The following TULP2 variants were observed in gnomAD, a reference collection of about 807,000 sequenced individuals.
The protein encoded by TULP2 is tubby-related protein 2.
TULP2 carries 64 observed loss-of-function variants against 60.3 expected under a neutral mutation model. That is an observed-to-expected ratio of 1.06 (90% CI 0.87 to 1.31). The LOEUF is 1.31. Ranked by LOEUF, TULP2 falls within the 50% of genes most tolerant of loss-of-function variation. TULP2 has a pLI of 0.00. For synonymous variants in TULP2, 267 were observed against 265.4 expected (o/e 1.01, Z -0.06); for missense variants, 652 against 667.0 (o/e 0.98, Z 0.25).
At chr19:48,885,623 C>A (rs1362296683) in intron 8 of TULP2, 63 bp from the exon 9 acceptor site, 7 of 1,466,586 alleles carry the variant, frequency 4.8e-6, no homozygotes, top group Non-Finnish European at 6.6e-6. Context: ...GTGGCTCATG[C>A]CTGTAATCCC....
intron 11 of TULP2, among the ~76,000 whole-genome samples, chr19:48,882,669 T>C (rs909402774): frequency 5.3e-4 from 81 of 152,154 alleles, no homozygotes; most frequent in African/African-American, 1.9e-3. Flanking sequence ...CTTAGAACTT[T>C]TTAAAAGAGG....
intron 9 of TULP2, 77 bp downstream of exon 9, chr19:48,885,371 C>T (rs2037169894): frequency 1.7e-6 from 2 of 1,206,806 alleles, no homozygotes; most frequent in Non-Finnish European, 2.4e-6. Flanking sequence ...TGCTCTGTGG[C>T]CTGCTGGGAA....
chr19:48,897,949 T>TTATC lies in TULP2; in HGVS notation c.-1-81_-1-80insGATA, dbSNP rs2037297473. On this transcript the variant is annotated intron_variant, in intron 1 of 12. Transcript: ENST00000221399. This position sits in a 1 kb window ranked among gnomAD's most constrained non-coding sequence, Gnocchi z 4.0. The stretch of plus-strand genomic sequence containing the variant: ...GCCCACCAGCACCTAATCTTTAGCC[T>TTATC]TATTTATTTATTTATTTATTTATTT... 2.3e-6 allele frequency: 1 copy of TTATC among 431,134 alleles called. No individual in the cohort carries two copies. The highest frequency in any genetic ancestry group is 2.9e-6 in the Non-Finnish European group (1 of 345,108). The allele number at this position is 431,134 out of a possible 1,614,324, so 26.7% of individuals were successfully genotyped here.
intron 7 of TULP2, among the ~76,000 whole-genome samples, chr19:48,888,847 C>T (rs2037207158): frequency 6.6e-6 from 1 of 152,238 alleles, no homozygotes; most frequent in South Asian, 2.1e-4. Flanking sequence ...GTCTGGAACT[C>T]CTGACCTCAG....
intron 11 of TULP2, among the ~76,000 whole-genome samples, chr19:48,882,667 T>A (rs2037145298): frequency 6.6e-6 from 1 of 152,138 alleles, no homozygotes. Flanking sequence ...AACTTAGAAC[T>A]TTTTAAAAGA....
rs914854446 is a variant in TULP2, at chr19:48,897,133, G to A, written c.84+212C>T. 2.6e-5 allele frequency among the ~76,000 whole-genome samples: 4 copies of A among 151,940 alleles called. No individual in the cohort carries two copies. Among genetic ancestry groups the A allele is most frequent in the African/African-American group, 7.3e-5 (3 of 41,366 alleles). ...TTGAACTCCTGACCTCAAGTGATCC[G>A]CCCACCTCAGCATCCCAAAGTGCTG... is the stretch of plus-strand genomic sequence containing the variant. On this transcript the variant is annotated intron_variant, in intron 3 of 12. Transcript: ENST00000221399. This position sits in a 1 kb window ranked among gnomAD's most constrained non-coding sequence, Gnocchi z 4.0.
chr19:48,897,193 A>C lies in TULP2; in HGVS notation c.84+152T>G, dbSNP rs908812757. On this transcript the variant is annotated intron_variant, in intron 3 of 12. Coordinates refer to ENST00000221399, the MANE Select transcript of TULP2 (RefSeq NM_003323.3). The surrounding 1 kb of genome is among the most constrained non-coding windows in gnomAD (Gnocchi z 4.0). The stretch of plus-strand genomic sequence containing the variant: ...CCGTGAGCTGCCCTGCCCGGCCCCA[A>C]ATTCCTATTTTCTCATTTCTCAGTG... 5 of 879,122 alleles carry C rather than the reference A, an allele frequency of 5.7e-6. No individual in the cohort carries two copies. In the African/African-American group the frequency reaches 8.4e-5, roughly 15 times the overall value. The allele number at this position is 879,122 out of a possible 1,614,324, so 54.5% of individuals were successfully genotyped here.
At position 48,888,086 on chromosome 19, in the gene TULP2, TC is replaced by T; in HGVS notation, c.811del (p.Asp271ThrfsTer15). 1 of 1,614,158 alleles carries T rather than the reference TC, an allele frequency of 6.2e-7. No individual in the cohort carries two copies. On this transcript the variant is annotated frameshift_variant, in exon 8 of 13. Coordinates refer to ENST00000221399, the MANE Select transcript of TULP2 (RefSeq NM_003323.3). LOFTEE classifies it high-confidence loss of function. ...IRSPCPGLEE[D>X]MEAYVLRPAL... ...TGGCCGCAGCACGTAGGCTTCCATG[TC>T]CTCCTCCAGCCCAGGGCAGGGGGAG...
At chr19:48,881,615 C>T (rs776311332) in intron 12 of TULP2, among the ~76,000 whole-genome samples, 1 of 152,082 alleles carries the variant, frequency 6.6e-6, no homozygotes, top group South Asian at 2.1e-4. Context: ...AATCTCCTGA[C>T]CTCGTATCCG....
At chr19:48,888,366 A>C in intron 7 of TULP2, 105 bp from the exon 8 acceptor site, 1 of 1,188,444 alleles carries the variant, frequency 8.4e-7, no homozygotes, top group Non-Finnish European at 1.2e-6. Context: ...GCCCATCCAC[A>C]TTTTCTGCTT....
Position 48,885,562 on chromosome 19 carries a change from T to A in TULP2, c.949-2A>T, listed in dbSNP as rs752549339. ...CTTTCGCCCAGCCAGGAGGAAGCGCTATGGATGAGAGGAACAGTCCATTAG... is the reference window on the plus strand; with the variant it reads ...CTTTCGCCCAGCCAGGAGGAAGCGCAATGGATGAGAGGAACAGTCCATTAG... On this transcript the variant is annotated splice_acceptor_variant, in intron 8 of 12. Coordinates refer to ENST00000221399, the MANE Select transcript of TULP2 (RefSeq NM_003323.3). LOFTEE classifies it high-confidence loss of function. The A allele has an allele frequency of 6.2e-7, 1 of 1,613,368 alleles. No individual in the cohort carries two copies. Among genetic ancestry groups the A allele is most frequent in the Non-Finnish European group, 8.5e-7 (1 of 1,179,542 alleles).
chr19:48,881,168 C>T, intron 12 of TULP2, 42 bp from the exon 13 acceptor site: 3 of 1,046,620 alleles, frequency 2.9e-6, no homozygotes, highest in Non-Finnish European at 4.3e-6. Context: ...CTGACTCTCT[C>T]ATCTCCCAGC....
intron 8 of TULP2, among the ~76,000 whole-genome samples, chr19:48,886,282 G>C (rs1011283428): frequency 2.7e-5 from 4 of 149,202 alleles, no homozygotes; most frequent in African/African-American, 9.9e-5. Flanking sequence ...CTGGGCGACA[G>C]AGCAAGACTA....
intron 4 of TULP2, 72 bp downstream of exon 4, chr19:48,896,358 C>A (rs945691559): frequency 6.7e-7 from 1 of 1,500,386 alleles, no homozygotes; most frequent in Non-Finnish European, 8.8e-7. Flanking sequence ...CCCCTTCATC[C>A]ACTAGGCCCC....
chr19:48,883,786 G>C lies in TULP2; in HGVS notation c.1243C>G (p.Gln415Glu). The C allele has an allele frequency of 6.2e-7, 1 of 1,614,084 alleles. No homozygotes were observed. The highest frequency in any genetic ancestry group is 1.1e-5 in the South Asian group (1 of 91,068). Residue 415 changes from glutamine to glutamate, a missense_variant, in exon 11 of 13, where the codon CAG (glutamine) becomes GAG (glutamate). Physicochemically the swap from Gln to Glu is conservative, Grantham distance 29. Transcript: ENST00000221399. ...MTVILPGTNS[Q>E]NQRINVQPLN... ...GGCTGGACATTGATTCGCTGGTTCT[G>C]GCTGTTGGTTCCTGGGAGAATCACA... is the stretch of plus-strand genomic sequence containing the variant.
Position 48,897,441 on chromosome 19 carries a change from G to T in TULP2, c.33-45C>A. On this transcript the variant is annotated intron_variant, in intron 2 of 12. Transcript: ENST00000221399. This position sits in a 1 kb window ranked among gnomAD's most constrained non-coding sequence, Gnocchi z 4.0. ...ATGGTGACAGTGCACAGGGAACCTC[G>T]GTTGCCCAAGAGAGTCCCTCCTTCC... 1 of 1,602,474 alleles carries T rather than the reference G, an allele frequency of 6.2e-7. No homozygotes were observed. The highest frequency in any genetic ancestry group is 8.5e-7 in the Non-Finnish European group (1 of 1,172,554).
Position 48,881,053 on chromosome 19 carries a change from GC to G in TULP2, c.1520del (p.Ser507ThrfsTer?). 6.2e-7 allele frequency: 1 copy of G among 1,613,984 alleles called. No individual in the cohort carries two copies. The highest frequency in any genetic ancestry group is 8.5e-7 in the Non-Finnish European group (1 of 1,179,958). The part of the protein sequence containing the change: ...TFTMDFCFPF[S>X]PLQAFSICLS... ...AGCAGATGCTGAAGGCCTGGAGCGG[GC>G]TAAATGGAAAGCAGAAGTCCATGGT... On this transcript the variant is annotated frameshift_variant, in exon 13 of 13. Transcript: ENST00000221399. LOFTEE classifies it high-confidence loss of function.
Position 48,880,996 on chromosome 19 carries a change from T to G in TULP2, c.*15A>C. ...AAGGGTATGGTATTTTATTGAGTTA[T>G]TCAACAGCCAGCTTCTAATTGAAAC... On this transcript the variant is annotated 3_prime_UTR_variant, in exon 13 of 13. Coordinates refer to ENST00000221399, the MANE Select transcript of TULP2 (RefSeq NM_003323.3). The G allele has an allele frequency of 6.2e-7, 1 of 1,606,634 alleles. No homozygotes were observed. Among genetic ancestry groups the G allele is most frequent in the Non-Finnish European group, 8.5e-7 (1 of 1,173,594 alleles).
At position 48,895,506 on chromosome 19, in the gene TULP2, G is replaced by T; in HGVS notation, c.212-3C>A. 6.2e-7 allele frequency: 1 copy of T among 1,600,808 alleles called. No individual in the cohort carries two copies. The highest frequency in any genetic ancestry group is 8.5e-7 in the Non-Finnish European group (1 of 1,170,184). On this transcript the variant is annotated splice_polypyrimidine_tract_variant and splice_region_variant and intron_variant, in intron 4 of 12. Transcript: ENST00000221399. Reference sequence around the variant, plus strand: ...CCGGAGGAAAGGGTTCCCAAGGCCTGGGAGAAGGTTCAGCGAGCCCATGAA... The same window carrying T: ...CCGGAGGAAAGGGTTCCCAAGGCCTTGGAGAAGGTTCAGCGAGCCCATGAA...
Sources: allele counts gnomAD v4.1 joint callset (sites outside exome capture counted in the v4.1 genomes callset), GRCh38; gene constraint gnomAD v4.1.1; non-coding constraint Gnocchi (gnomAD v3.1); transcripts MANE v1.5; gene names NCBI Gene and HGNC (gene_info 2026-07-23, HGNC 2026-07-21).